PARP10: variants seen among roughly 807,000 people sequenced by gnomAD.
PARP10 encodes poly(ADP-ribose) polymerase family member 10.
Under a neutral mutation model 82.4 loss-of-function variants are expected in PARP10, and 56 were observed. That is an observed-to-expected ratio of 0.68 (90% CI 0.55 to 0.85). The LOEUF is 0.85. PARP10 is among the 40% of genes least tolerant of loss of function. PARP10 has a pLI of 0.00. For synonymous variants in PARP10, 576 were observed against 601.1 expected (o/e 0.96, Z 0.61); for missense variants, 1,227 against 1,379.4 (o/e 0.89, Z 1.75).
intron 1 of PARP10, among the ~76,000 whole-genome samples, chr8:144,005,090 A>C (rs1437099172): frequency 2.0e-5 from 3 of 151,196 alleles, no homozygotes; most frequent in Non-Finnish European, 4.4e-5. Flanking sequence ...GAGGCACGAG[A>C]CTCACTTGAG....
Position 143,985,584 on chromosome 8 carries a change from G to A in PARP10, c.501C>T (p.Ala167=), listed in dbSNP as rs1833970163. Residue 167 remains alanine (A), a synonymous_variant, in exon 4 of 11, where the codon GCC becomes GCT. Transcript: ENST00000313028. ...GCACCGCTCGGGCCTGGGGAACCCGGGCCAGGGACACCAAGGTCCCCTCCA... is the reference window on the plus strand; with the variant it reads ...GCACCGCTCGGGCCTGGGGAACCCGAGCCAGGGACACCAAGGTCCCCTCCA... ...LGLEGTLVSL[A]RVPQARAVRV... 1.2e-6 allele frequency: 2 copies of A among 1,613,868 alleles called. No homozygotes were observed. Among genetic ancestry groups the A allele is most frequent in the Non-Finnish European group, 8.5e-7 (1 of 1,179,988 alleles).
upstream of PARP10, chr8:143,991,295 G>A (rs200300041): frequency 4.8e-6 from 7 of 1,470,034 alleles, no homozygotes; most frequent in East Asian, 2.4e-5. Context: ...ATCCGGGGGG[G>A]CCCCAGCCAC....
chr8:143,999,540 G>A (rs1412579084), intron 1 of PARP10, among the ~76,000 whole-genome samples: 2 of 151,538 alleles, frequency 1.3e-5, no homozygotes, highest in Admixed American at 1.3e-4. Flanking sequence ...TTGAGGAGAC[G>A]GGGGTCTCAC....
At chr8:143,987,741 A>G (rs546509969), upstream of PARP10, among the ~76,000 whole-genome samples, 14 of 152,242 alleles carry the variant, frequency 9.2e-5, no homozygotes, top group East Asian at 2.7e-3. Context: ...AAATATAAAA[A>G]TTAGCCGGGC....
chr8:143,992,646 G>T, upstream of PARP10: 4 of 1,613,954 alleles, frequency 2.5e-6, no homozygotes, highest in Non-Finnish European at 3.4e-6. Flanking sequence ...GCGGGATGCT[G>T]GGCAGGCAGG....
rs200251958 is a variant in PARP10, at chr8:143,983,337, C to A, written c.2252G>T (p.Arg751Leu). Reference protein sequence around the residue: ...PWRRTLPAELRARLERCHGVS... With the variant: ...PWRRTLPAELLARLERCHGVS... ...ACCATGGCACCGCTCCAGGCGAGCACGCAGCTCTGCAGGCAGTGTGCGGCG... is the reference window on the plus strand; with the variant it reads ...ACCATGGCACCGCTCCAGGCGAGCAAGCAGCTCTGCAGGCAGTGTGCGGCG... The change falls in exon 8 of 11, where the codon CGT becomes CTT. Residue 751 changes from arginine (R) to leucine (L), a missense_variant. Physicochemically the swap from Arg to Leu is moderately radical, Grantham distance 102. Transcript: ENST00000313028. The A allele has an allele frequency of 3.0e-5, 49 of 1,610,384 alleles. No homozygotes were observed. In the Admixed American group the frequency reaches 3.7e-4, roughly 12 times the overall value.
upstream of PARP10, chr8:143,991,099 C>T: frequency 1.5e-6 from 1 of 645,368 alleles, no homozygotes; most frequent in Non-Finnish European, 2.7e-6. Context: ...TCTTCCCTTG[C>T]TTCCCCCTGG....
upstream of PARP10, among the ~76,000 whole-genome samples, chr8:143,987,456 C>T (rs3936211): frequency 0.45 from 68,488 of 152,062 alleles, 16,397 homozygotes; most frequent in African/African-American, 0.6. Flanking sequence ...CCTCCAGCAT[C>T]TCTCGCTAGG....
upstream of PARP10, chr8:143,986,489 G>A: frequency 3.4e-6 from 5 of 1,478,876 alleles, no homozygotes; most frequent in Non-Finnish European, 4.7e-6. Context: ...GAGGGAGGGA[G>A]CAGCTGGGCC....
At position 143,983,307 on chromosome 8, in the gene PARP10, C is replaced by T. The variant is rs1554748175; in HGVS notation, c.2282G>A (p.Ser761Asn). Residue 761 changes from serine to asparagine, a missense_variant, in exon 8 of 11, where the codon AGT becomes AAT. Transcript: ENST00000313028. Reference sequence around the variant, plus strand: ...GGTGCAGTCACCACGCAGGGCAACACTCACACCATGGCACCGCTCCAGGCG... The same window carrying T: ...GGTGCAGTCACCACGCAGGGCAACATTCACACCATGGCACCGCTCCAGGCG... Reference protein sequence around the residue: ...RARLERCHGVSVALRGDCTIL... With the variant: ...RARLERCHGVNVALRGDCTIL... The T allele has an allele frequency of 6.2e-7, 1 of 1,612,656 alleles. No homozygotes were observed. Among genetic ancestry groups the T allele is most frequent in the Admixed American group, 1.7e-5 (1 of 59,912 alleles).
chr8:144,001,117 T>A (rs1834199605), intron 1 of PARP10, among the ~76,000 whole-genome samples: 1 of 151,836 alleles, frequency 6.6e-6, no homozygotes, highest in South Asian at 2.1e-4. Flanking sequence ...GGTTTCACCG[T>A]GTTAGCCAGG....
Position 143,984,655 on chromosome 8 carries a change from C to G in PARP10, c.1347G>C (p.Leu449Phe). The change falls in exon 5 of 11, where the codon TTG (leucine) becomes TTC (phenylalanine). Residue 449 changes from leucine (L) to phenylalanine (F), a missense_variant. Coordinates refer to ENST00000313028, the MANE Select transcript of PARP10 (RefSeq NM_032789.5). ...GGAAGCGCATCGCCCCTGGCTCCAT[C>G]AATAGCACCATCTCCACCAGGCCCT... is the stretch of plus-strand genomic sequence containing the variant. Reference protein sequence around the residue: ...GQEGLVEMVLLMEPGAMRFLQ... With the variant: ...GQEGLVEMVLFMEPGAMRFLQ... The G allele has an allele frequency of 6.2e-7, 1 of 1,614,108 alleles. No individual in the cohort carries two copies.
At chr8:143,987,728 T>C (rs534792462), upstream of PARP10, among the ~76,000 whole-genome samples, 1 of 152,086 alleles carries the variant, frequency 6.6e-6, no homozygotes, top group African/African-American at 2.4e-5. Flanking sequence ...CTGTCTCTAC[T>C]AAAAATATAA....
chr8:143,981,409 G>C (rs1833856510), intron 9 of PARP10, among the ~76,000 whole-genome samples: 1 of 65,646 alleles, frequency 1.5e-5, no homozygotes, highest in Non-Finnish European at 3.1e-5. Context: ...TGGTGGTGAC[G>C]ACAGTGAGTG....
rs781974137 is a variant in PARP10, at chr8:143,983,640, A to G, written c.1949T>C (p.Leu650Pro). 6.2e-7 allele frequency: 1 copy of G among 1,606,974 alleles called. No homozygotes were observed. The highest frequency in any genetic ancestry group is 1.1e-5 in the South Asian group (1 of 89,776). Residue 650 changes from leucine (L) to proline (P), a missense_variant, in exon 8 of 11, where the codon CTG (leucine) becomes CCG (proline). By Grantham distance (98) the Leu-to-Pro change is moderately conservative (BLOSUM62 -3). Transcript: ENST00000313028. ...CAGCTGCAGAGCGGCCTCCTCCTCC[A>G]GCCACCTGGGTGCCACAGTGCTGGG... ...VAPSTVAPRW[L>P]EEEAALQLAL...
upstream of PARP10, chr8:143,991,081 G>T: frequency 1.7e-6 from 1 of 594,902 alleles, no homozygotes; most frequent in Admixed American, 3.1e-5. Flanking sequence ...CCGGGGCAAA[G>T]GTCACGGTCT....
chr8:143,978,493 A>C (rs1012722923), intron 9 of PARP10, among the ~76,000 whole-genome samples: 2 of 152,334 alleles, frequency 1.3e-5, no homozygotes, highest in African/African-American at 4.8e-5. Context: ...CCTGGGAAAC[A>C]CTTTTAAAGA....
upstream of PARP10, among the ~76,000 whole-genome samples, chr8:143,995,471 G>A (rs1669056342): frequency 2.6e-5 from 4 of 152,320 alleles, no homozygotes; most frequent in South Asian, 8.3e-4. Flanking sequence ...GGAGTGAAAT[G>A]AGTCCGAGTA....
chr8:144,003,162 C>A (rs1262081947), intron 1 of PARP10, among the ~76,000 whole-genome samples: 1 of 152,198 alleles, frequency 6.6e-6, no homozygotes, highest in African/African-American at 2.4e-5. Flanking sequence ...GTGGCTCACG[C>A]TTGTAATTCC....
Sources: gnomAD v4.1 joint callset for allele counts (sites outside exome capture counted in the v4.1 genomes callset) on GRCh38, gnomAD v4.1.1 for gene constraint, MANE v1.5 for transcripts, NCBI Gene and HGNC (gene_info 2026-07-23, HGNC 2026-07-21) for gene names.